The following FUNDC2 variants were observed in gnomAD, a reference collection of about 807,000 sequenced individuals.
FUNDC2 encodes the protein FUN14 domain-containing protein 2.
Under a neutral mutation model 15.6 loss-of-function variants are expected in FUNDC2, and 4 were observed. The observed-to-expected ratio is 0.26, with a 90% CI of 0.13 to 0.59. The LOEUF is 0.59. FUNDC2 is among the 20% of genes least tolerant of loss of function. The pLI is 0.90. For missense variants in FUNDC2, 98 were observed against 149.7 expected (o/e 0.65, Z 1.80); for synonymous variants, 44 against 56.9 (o/e 0.77, Z 1.02).
intron 1 of FUNDC2, among the ~76,000 whole-genome samples, chrX:155,031,000 T>G (rs2073813298): frequency 9.0e-6 from 1 of 111,499 alleles, no homozygotes; most frequent in East Asian, 2.8e-4. Flanking sequence ...ATTTTCTACT[T>G]TTTATTCTGA....
chrX:155,053,952 G>A (rs1413176795), intron 4 of FUNDC2: 9 of 754,172 alleles, frequency 1.2e-5, no homozygotes, highest in Non-Finnish European at 1.4e-5. Flanking sequence ...GTGTCTGAAT[G>A]TATGCACTGA....
Position 155,056,004 on chromosome X carries a change from A to G in FUNDC2, c.*1332A>G, listed in dbSNP as rs1363176068. ...CAGTGGATGTGTGGAACTTTACAGAAACCACCTATTTGCGTTTTTCTCCTT... is the reference window on the plus strand; with the variant it reads ...CAGTGGATGTGTGGAACTTTACAGAGACCACCTATTTGCGTTTTTCTCCTT... On this transcript the variant is annotated 3_prime_UTR_variant, in exon 5 of 5. Coordinates refer to ENST00000369498, the MANE Select transcript of FUNDC2 (RefSeq NM_023934.4). 8.9e-6 allele frequency: 1 copy of G among 112,189 alleles called. No homozygotes were observed. The highest frequency in any genetic ancestry group is 1.9e-5 in the Non-Finnish European group (1 of 53,264). 9.2% of individuals were successfully genotyped at this position (112,189 alleles called of 1,213,427 possible).
chrX:155,052,759 C>A (rs1465792987), intron 4 of FUNDC2, among the ~76,000 whole-genome samples: 3 of 112,254 alleles, frequency 2.7e-5, no homozygotes, highest in Non-Finnish European at 5.6e-5. Context: ...GTTTCTCTTT[C>A]CTTTCTTCCT....
chrX:155,058,102 G>T lies in FUNDC2; in HGVS notation c.*3430G>T, dbSNP rs1241868796. On this transcript the variant is annotated 3_prime_UTR_variant, in exon 5 of 5. Transcript: ENST00000369498. ...GCAATCTCCCGCCACTCAGCCTCCA[G>T]ACATTCATTAACAGGACAGTGGGGT... 9.0e-6 allele frequency: 1 copy of T among 111,485 alleles called. No individual in the cohort carries two copies. The highest frequency in any genetic ancestry group is 1.9e-5 in the Non-Finnish European group (1 of 53,149). 9.2% of individuals were successfully genotyped at this position (111,485 alleles called of 1,213,427 possible). A position where few individuals can be genotyped will look rare whatever the true frequency, so the allele number is the denominator to read the frequency against.
In FUNDC2 at chrX:155,056,825, C is replaced by G. The variant is rs1316951188; in HGVS notation, c.*2153C>G. 1.8e-5 allele frequency: 2 copies of G among 111,755 alleles called. No homozygotes were observed. Among genetic ancestry groups the G allele is most frequent in the South Asian group, 7.5e-4 (2 of 2,664 alleles). 9.2% of individuals were successfully genotyped at this position (111,755 alleles called of 1,213,427 possible). ...GGGTAGGGGTTGTCTTTTGGTGCATCTGTTTTTCCTGTGATTATTGGTGAG... is the reference window on the plus strand; with the variant it reads ...GGGTAGGGGTTGTCTTTTGGTGCATGTGTTTTTCCTGTGATTATTGGTGAG... On this transcript the variant is annotated 3_prime_UTR_variant, in exon 5 of 5. Coordinates refer to ENST00000369498, the MANE Select transcript of FUNDC2 (RefSeq NM_023934.4).
chrX:155,047,184 T>C, intron 3 of FUNDC2: 1 of 266,804 alleles, frequency 3.7e-6, no homozygotes, highest in Admixed American at 4.8e-5. Flanking sequence ...GGTATTCAAA[T>C]TTGGCTCCAC....
intron 2 of FUNDC2, among the ~76,000 whole-genome samples, chrX:155,044,994 T>C (rs4898406): frequency 0.24 from 26,863 of 110,724 alleles, 2,394 homozygotes; most frequent in South Asian, 0.38. Flanking sequence ...ATAGAGAAAA[T>C]GTGTCTACAA....
At chrX:155,041,076 A>G (rs1335262174) in intron 2 of FUNDC2, among the ~76,000 whole-genome samples, 2 of 111,913 alleles carry the variant, frequency 1.8e-5, no homozygotes, top group African/African-American at 6.5e-5. Flanking sequence ...TGCTTAGATC[A>G]AATATTTTCA....
chrX:155,030,392 A>G (rs992449228), intron 1 of FUNDC2, among the ~76,000 whole-genome samples: 2 of 105,262 alleles, frequency 1.9e-5, no homozygotes, highest in East Asian at 3.0e-4. Context: ...AAAAAAAAAA[A>G]TCAGTTGGTC....
intron 2 of FUNDC2, among the ~76,000 whole-genome samples, chrX:155,044,779 C>T (rs782777769): frequency 1.8e-5 from 2 of 111,982 alleles, no homozygotes; most frequent in African/African-American, 3.3e-5. Context: ...ATTGTTACAA[C>T]CATTATGGAA....
chrX:155,051,862 C>T, intron 4 of FUNDC2, 61 bp downstream of exon 4: 1 of 1,103,318 alleles, frequency 9.1e-7, no homozygotes, highest in Non-Finnish European at 1.2e-6. Flanking sequence ...AGGGCTTAAC[C>T]CTATTGTACC....
intron 2 of FUNDC2, among the ~76,000 whole-genome samples, chrX:155,035,192 T>A (rs188279108): frequency 9.0e-6 from 1 of 111,558 alleles, no homozygotes; most frequent in Non-Finnish European, 1.9e-5. Context: ...CCACCTGGAA[T>A]TGTTATTGTG....
chrX:155,033,386 C>T lies in FUNDC2; in HGVS notation c.134-17C>T, dbSNP rs972739191. On this transcript the variant is annotated splice_polypyrimidine_tract_variant and intron_variant, in intron 1 of 4. Transcript: ENST00000369498. ...TAAAAGTAAATATTTTCTTATTTAA[C>T]GTATTACTTCTTGTAGGAAACTTTG... 10 of 1,166,731 alleles carry T rather than the reference C, an allele frequency of 8.6e-6. No homozygotes were observed. The highest frequency in any genetic ancestry group is 2.4e-4 in the Middle Eastern group (1 of 4,193).
At chrX:155,054,193 A>G (rs1557290680) in intron 4 of FUNDC2, 5 of 751,720 alleles carry the variant, frequency 6.7e-6, no homozygotes, top group Non-Finnish European at 7.8e-6. Flanking sequence ...TAGATGCCAA[A>G]GAGGATGGAA....
At chrX:155,048,161 C>G (rs1247853309) in intron 3 of FUNDC2, among the ~76,000 whole-genome samples, 2 of 111,739 alleles carry the variant, frequency 1.8e-5, no homozygotes, top group African/African-American at 3.3e-5. Context: ...AAAGGCACCT[C>G]AAAATGAGAT....
rs201227808 is a variant in FUNDC2 at position 155,051,822 on chromosome X, G to C, written c.492+21G>C. 1.1e-5 allele frequency: 13 copies of C among 1,204,019 alleles called. No homozygotes were observed. The African/African-American group carries it at 2.3e-4, about 21-fold the overall frequency. On this transcript the variant is annotated intron_variant, in intron 4 of 4. Coordinates refer to ENST00000369498, the MANE Select transcript of FUNDC2 (RefSeq NM_023934.4). ...AGGAGGTGAGACTTGCATTGTTCAC[G>C]TGTAGTGTGTGAACAGTGCAGACAA...
chrX:155,054,122 A>G (rs1388507104), intron 4 of FUNDC2: 1 of 750,032 alleles, frequency 1.3e-6, no homozygotes, highest in Non-Finnish European at 1.6e-6. Flanking sequence ...TCAGGGGGGA[A>G]TGCATGGATG....
At chrX:155,045,821 A>G (rs1376893886) in intron 2 of FUNDC2, among the ~76,000 whole-genome samples, 5 of 111,627 alleles carry the variant, frequency 4.5e-5, no homozygotes, top group Non-Finnish European at 9.4e-5. Context: ...AAACAACAAA[A>G]TCTCTGCCTT....
rs1297061354 is a variant in FUNDC2, at chrX:155,057,415, A to G, written c.*2743A>G. 2 of 111,119 alleles carry G rather than the reference A, an allele frequency of 1.8e-5. No individual in the cohort carries two copies. The highest frequency in any genetic ancestry group is 6.5e-5 in the African/African-American group (2 of 30,639). 9.2% of individuals were successfully genotyped at this position (111,119 alleles called of 1,213,427 possible). ...TTTTCTCCAGTAGCAGAGTCCAATG[A>G]CGCTCTGGACTTCCTAATTAGTGGT... On this transcript the variant is annotated 3_prime_UTR_variant, in exon 5 of 5. Coordinates refer to ENST00000369498, the MANE Select transcript of FUNDC2 (RefSeq NM_023934.4).
Sources: gnomAD v4.1 joint callset for allele counts (sites outside exome capture counted in the v4.1 genomes callset) on GRCh38, gnomAD v4.1.1 for gene constraint, MANE v1.5 for transcripts, NCBI Gene and HGNC (gene_info 2026-07-23, HGNC 2026-07-21) for gene names.